The following PARP10 variants were observed in gnomAD, a reference collection of about 807,000 sequenced individuals.
PARP10 encodes the protein protein mono-ADP-ribosyltransferase PARP10.
Under a neutral mutation model 82.4 loss-of-function variants are expected in PARP10, and 56 were observed. That is an observed-to-expected ratio of 0.68 (90% CI 0.55 to 0.85). PARP10 has a LOEUF of 0.85. Among genes scored for constraint, PARP10 ranks in the 40% least tolerant of loss-of-function variants. The probability of loss-of-function intolerance (pLI) is 0.00; values close to 1 mark genes in which losing one functional copy is unlikely to be tolerated. For synonymous variants in PARP10, 576 were observed against 601.1 expected (o/e 0.96, Z 0.61); for missense variants, 1,227 against 1,379.4 (o/e 0.89, Z 1.75).
rs1554746410 is a variant in PARP10, at chr8:143,977,417, C to T, written c.*67G>A. ...CAGCTCAGGCGGCCACAGTTGGGGGCGGGGAGCATCAGCCTGTGCGGAGCT... is the reference window on the plus strand; with the variant it reads ...CAGCTCAGGCGGCCACAGTTGGGGGTGGGGAGCATCAGCCTGTGCGGAGCT... On this transcript the variant is annotated 3_prime_UTR_variant, in exon 11 of 11. Coordinates refer to ENST00000313028, the MANE Select transcript of PARP10 (RefSeq NM_032789.5). The T allele has an allele frequency of 2.2e-6, 3 of 1,371,772 alleles. No homozygotes were observed. The highest frequency in any genetic ancestry group is 1.5e-5 in the African/African-American group (1 of 68,864). The allele number at this position is 1,371,772 out of a possible 1,614,324, so 85.0% of individuals were successfully genotyped here.
intron 1 of PARP10, among the ~76,000 whole-genome samples, chr8:144,005,533 T>C (rs1834230826): frequency 6.6e-6 from 1 of 152,150 alleles, no homozygotes; most frequent in Non-Finnish European, 1.5e-5. Context: ...TAGCTCCTCC[T>C]ACTCCCTAGA....
intron 10 of PARP10, 23 bp downstream of exon 10, chr8:143,977,883 GC>G: frequency 1.3e-6 from 2 of 1,599,050 alleles, no homozygotes; most frequent in Non-Finnish European, 8.5e-7. Flanking sequence ...CAGAGCCCCC[GC>G]CCCTGCCCGG....
At chr8:144,002,269 C>T (rs1426876146) in intron 1 of PARP10, among the ~76,000 whole-genome samples, 38 of 152,066 alleles carry the variant, frequency 2.5e-4, no homozygotes, top group Non-Finnish European at 1.5e-5. Context: ...TCACAATAGG[C>T]CAGGCACAGT....
intron 9 of PARP10, 143 bp downstream of exon 9, chr8:143,982,789 C>G: frequency 7.4e-7 from 1 of 1,359,632 alleles, no homozygotes; most frequent in Non-Finnish European, 1.0e-6. Context: ...GCCCTCTGGG[C>G]AGAGAACAGG....
intron 9 of PARP10, among the ~76,000 whole-genome samples, chr8:143,980,934 G>T (rs1833835801): frequency 6.6e-6 from 1 of 152,066 alleles, no homozygotes; most frequent in Non-Finnish European, 1.5e-5. Context: ...TAAAAATAAT[G>T]TAACTGACCA....
chr8:143,992,003 C>T (rs1554750599), upstream of PARP10: 2 of 1,613,856 alleles, frequency 1.2e-6, no homozygotes, highest in African/African-American at 1.3e-5. Flanking sequence ...CCTATGCTGT[C>T]TTCTTCATCT....
intron 9 of PARP10, among the ~76,000 whole-genome samples, chr8:143,978,969 GTT>G (rs5895791): frequency 0.32 from 46,538 of 144,728 alleles, 7,539 homozygotes; most frequent in Non-Finnish European, 0.36. Context: ...AACCCTGCAA[GTT>G]TTTTTTTTTT....
intron 1 of PARP10, among the ~76,000 whole-genome samples, chr8:143,999,649 CTTCT>C: frequency 7.1e-6 from 1 of 140,266 alleles, no homozygotes; most frequent in East Asian, 2.0e-4. Context: ...TCAAATTGAG[CTTCT>C]TTTTTTTTTT....
At chr8:143,980,625 C>G (rs1402006421) in intron 9 of PARP10, among the ~76,000 whole-genome samples, 1 of 151,558 alleles carries the variant, frequency 6.6e-6, no homozygotes, top group African/African-American at 2.4e-5. Context: ...TGTTTAGCAC[C>G]CACTCAAGGA....
intron 9 of PARP10, among the ~76,000 whole-genome samples, chr8:143,979,310 T>C (rs542800163): frequency 6.6e-6 from 1 of 152,220 alleles, no homozygotes; most frequent in Admixed American, 6.5e-5. Context: ...ACAAGGTCAA[T>C]ATGCAAACCG....
rs368821816 is a variant in PARP10, at chr8:144,008,693, G to A, written c.-80+3837C>T. On this transcript the variant is annotated intron_variant, in intron 1 of 3. Coordinates refer to the PARP10 transcript ENST00000530478. This position sits in a 1 kb window ranked among gnomAD's most constrained non-coding sequence, Gnocchi z 4.0. ...AGGGCAGGACTGAGAGCAGCATAGA[G>A]AGGCCCAGTGTCTCTCACTCCCCAG... Among the ~76,000 whole-genome samples, 73 of 152,274 alleles carry A rather than the reference G, an allele frequency of 4.8e-4. 1 individual carries two copies. The highest frequency in any genetic ancestry group is 1.7e-3 in the African/African-American group (72 of 41,546).
chr8:143,982,236 G>A (rs1415636145), intron 9 of PARP10, among the ~76,000 whole-genome samples: 4 of 152,078 alleles, frequency 2.6e-5, no homozygotes, highest in Non-Finnish European at 4.4e-5. Context: ...TTGGGAGGCC[G>A]AGGCGGGCGG....
rs140879547 is a variant in PARP10, at chr8:143,983,059, C to T, written c.2429G>A (p.Gly810Glu). ...PLAASGPTLAGQTLKGPWNNL... is the reference protein window; with the variant it reads ...PLAASGPTLAEQTLKGPWNNL... ...GTTCCAGGGCCCCTTCAGCGTCTGC[C>T]CCGCCACTGATGCATGGGGAAAAGC... Residue 810 changes from glycine to glutamate, a missense_variant, in exon 9 of 11, where the codon GGG becomes GAG. Gly to Glu is a moderately conservative substitution (Grantham distance 98, BLOSUM62 -2). Transcript: ENST00000313028. 2.4e-4 allele frequency: 394 copies of T among 1,613,866 alleles called. 2 individuals are homozygous for T. The African/African-American group carries it at 4.5e-3, about 19-fold the overall frequency.
At chr8:144,002,005 A>G (rs1834206553) in intron 1 of PARP10, among the ~76,000 whole-genome samples, 1 of 152,070 alleles carries the variant, frequency 6.6e-6, no homozygotes, top group Non-Finnish European at 1.5e-5. Context: ...TCATAAAACA[A>G]TAAAGTGCCT....
At chr8:143,987,961 G>A (rs1554749746), upstream of PARP10, among the ~76,000 whole-genome samples, 1 of 150,994 alleles carries the variant, frequency 6.6e-6, no homozygotes, top group East Asian at 2.0e-4. Context: ...CCAGACCTCA[G>A]TCCCTTCTCT....
chr8:143,977,827 G>A lies in PARP10; in HGVS notation c.2735C>T (p.Thr912Met), dbSNP rs1254609383. ...FNRSFCGRNA[T>M]VYGKGVYFAR... ...GAAATACACGCCCTTCCCGTAGACC[G>A]TGGCTGCAGGGCGAGACGGGGCAAG... is the stretch of plus-strand genomic sequence containing the variant. Residue 912 changes from threonine (T) to methionine (M), a missense_variant, in exon 11 of 11, where the codon ACG becomes ATG. Physicochemically the swap from Thr to Met is moderately conservative, Grantham distance 81 (BLOSUM62 -1). Transcript: ENST00000313028. The A allele has an allele frequency of 1.9e-6, 3 of 1,598,308 alleles. No individual in the cohort carries two copies. Among genetic ancestry groups the A allele is most frequent in the South Asian group, 1.1e-5 (1 of 89,732 alleles).
At chr8:143,981,108 C>T (rs553165554) in intron 9 of PARP10, among the ~76,000 whole-genome samples, 2 of 151,662 alleles carry the variant, frequency 1.3e-5, no homozygotes, top group East Asian at 3.9e-4. Context: ...TAAATTCAAG[C>T]ATACCATTTA....
upstream of PARP10, chr8:143,990,967 T>A: frequency 7.1e-5 from 18 of 254,202 alleles, no homozygotes; most frequent in Middle Eastern, 1.2e-3. The surrounding 1 kb of genome is among the most constrained non-coding windows in gnomAD (Gnocchi z 5.6). Flanking sequence ...GCCCGGCCCC[T>A]CCCCCACCCT....
chr8:143,992,441 G>A, upstream of PARP10: 2 of 1,613,924 alleles, frequency 1.2e-6, no homozygotes, highest in Non-Finnish European at 1.7e-6. Flanking sequence ...CCAGCCCCAT[G>A]GCCCGTTCCT....
Sources: allele counts gnomAD v4.1 joint callset (sites outside exome capture counted in the v4.1 genomes callset), GRCh38; gene constraint gnomAD v4.1.1; non-coding constraint Gnocchi (gnomAD v3.1); transcripts MANE v1.5; gene names NCBI Gene and HGNC (gene_info 2026-07-23, HGNC 2026-07-21).